The following GRID2 variants were observed in gnomAD, a reference collection of about 807,000 sequenced individuals.
GRID2 encodes the protein glutamate ionotropic receptor delta type subunit 2.
Under a neutral mutation model 114.8 loss-of-function variants are expected in GRID2, and 33 were observed. That is an observed-to-expected ratio of 0.29 (90% CI 0.22 to 0.38). GRID2 has a LOEUF of 0.38. GRID2 is among the 10% of genes least tolerant of loss of function. The pLI, the probability that GRID2 is intolerant of heterozygous loss-of-function variation, is 1.00. For synonymous variants in GRID2, 505 were observed against 449.9 expected (o/e 1.12, Z -1.55); for missense variants, 1,184 against 1,257.7 (o/e 0.94, Z 0.89).
chr4:92,649,899 A>G (rs1731841584), intron 2 of GRID2, among the ~76,000 whole-genome samples: 1 of 152,014 alleles, frequency 6.6e-6, no homozygotes, highest in African/African-American at 2.4e-5. Flanking sequence ...CATAAGTTAT[A>G]AATATTATTA....
intron 2 of GRID2, among the ~76,000 whole-genome samples, chr4:92,785,236 A>G (rs573516159): frequency 2.6e-5 from 4 of 151,696 alleles, no homozygotes; most frequent in Non-Finnish European, 5.9e-5. Context: ...AGCTATTTCT[A>G]TAAAACTGAA....
rs1370376454 is a variant in GRID2, at chr4:93,043,042, A to G, written c.245-41953A>G. ...GAGTGTCTGATTATAGAAGATAAAT[A>G]TTTTTCCCAGCAGATAATTCCTTTA... On this transcript the variant is annotated intron_variant, in intron 2 of 15. Coordinates refer to ENST00000282020, the MANE Select transcript of GRID2 (RefSeq NM_001510.4). Among the ~76,000 whole-genome samples, 6 of 152,198 alleles carry G rather than the reference A, an allele frequency of 3.9e-5. No individual in the cohort carries two copies. In the East Asian group the frequency reaches 1.2e-3, roughly 29 times the overall value.
chr4:92,740,729 TA>T lies in GRID2; in HGVS notation c.244+150444del, dbSNP rs1352845850. On this transcript the variant is annotated intron_variant, in intron 2 of 15. Transcript: ENST00000282020. Reference sequence around the variant, plus strand: ...ATAGATAGATAGATAGATAGATAGATAGATAGATAGATGGATAGATAGATAG... The same window carrying T: ...ATAGATAGATAGATAGATAGATAGATGATAGATAGATGGATAGATAGATAG... Among the ~76,000 whole-genome samples, 268 of 145,604 alleles carry T rather than the reference TA, an allele frequency of 1.8e-3. 1 individual carries two copies. The highest frequency in any genetic ancestry group is 6.9e-3 in the African/African-American group (255 of 37,142).
intron 13 of GRID2, among the ~76,000 whole-genome samples, chr4:93,619,351 A>G (rs187689982): frequency 3.3e-5 from 5 of 152,354 alleles, no homozygotes; most frequent in Admixed American, 2.6e-4. Context: ...TGTGTTATAA[A>G]TATTAAAGCC....
chr4:93,583,744 C>T (rs1404612615), intron 13 of GRID2, among the ~76,000 whole-genome samples: 1 of 152,186 alleles, frequency 6.6e-6, no homozygotes, highest in South Asian at 2.1e-4. Context: ...TGTCCAAGGC[C>T]GTTCCTCAGA....
intron 8 of GRID2, among the ~76,000 whole-genome samples, chr4:93,346,414 AAC>A (rs1002369464): frequency 6.6e-6 from 1 of 152,100 alleles, no homozygotes; most frequent in Non-Finnish European, 1.5e-5. Context: ...AATACTCCAA[AAC>A]AGCATTTCCT....
At chr4:93,531,999 G>T (rs992142294) in intron 13 of GRID2, among the ~76,000 whole-genome samples, 1 of 151,938 alleles carries the variant, frequency 6.6e-6, no homozygotes, top group African/African-American at 2.4e-5. Context: ...AACTTTTGTT[G>T]TTTGGGCTAA....
intron 1 of GRID2, among the ~76,000 whole-genome samples, chr4:92,370,014 T>A (rs1464134650): frequency 6.6e-6 from 1 of 152,192 alleles, no homozygotes; most frequent in East Asian, 1.9e-4. Flanking sequence ...GTTATTGTGT[T>A]TTTTTCAAAT....
chr4:92,585,341 A>G (rs1247387886), intron 1 of GRID2, among the ~76,000 whole-genome samples: 1 of 152,038 alleles, frequency 6.6e-6, no homozygotes, highest in Non-Finnish European at 1.5e-5. Flanking sequence ...ATTACCTACC[A>G]TATATAATTT....
intron 14 of GRID2, among the ~76,000 whole-genome samples, chr4:93,681,357 A>T (rs80070208): frequency 6.7e-6 from 1 of 148,404 alleles, no homozygotes; most frequent in South Asian, 2.1e-4. Flanking sequence ...TACTACCCAA[A>T]GTAATTTAGA....
At chr4:93,043,019 G>A (rs1369075526) in intron 2 of GRID2, among the ~76,000 whole-genome samples, 2 of 152,064 alleles carry the variant, frequency 1.3e-5, no homozygotes, top group Admixed American at 1.3e-4. Flanking sequence ...AATAGTTTGA[G>A]TGTCTGATTA....
intron 2 of GRID2, among the ~76,000 whole-genome samples, chr4:93,040,005 A>AT (rs2149267317): frequency 6.6e-6 from 1 of 152,278 alleles, no homozygotes; most frequent in South Asian, 2.1e-4. Flanking sequence ...ATGCACAGGA[A>AT]TTTAGTTGAT....
intron 2 of GRID2, among the ~76,000 whole-genome samples, chr4:93,025,786 A>G (rs1321026434): frequency 6.6e-6 from 1 of 151,722 alleles, no homozygotes; most frequent in Non-Finnish European, 1.5e-5. Context: ...ATGTAGATGA[A>G]CAAGCATTTA....
chr4:92,826,871 C>T (rs577805512), intron 2 of GRID2, among the ~76,000 whole-genome samples: 1 of 152,138 alleles, frequency 6.6e-6, no homozygotes, highest in South Asian at 2.1e-4. Flanking sequence ...TTTGATTGAT[C>T]TAATGTTATT....
intron 2 of GRID2, among the ~76,000 whole-genome samples, chr4:92,939,128 A>G (rs1299862157): frequency 6.8e-6 from 1 of 147,456 alleles, no homozygotes. Context: ...TAGATCCATG[A>G]GGAACTGCTA....
intron 2 of GRID2, among the ~76,000 whole-genome samples, chr4:93,021,624 ATAT>A (rs1476686011): frequency 1.4e-5 from 2 of 144,340 alleles, no homozygotes; most frequent in African/African-American, 5.1e-5. Context: ...TATATTGTAT[ATAT>A]TATCACTATA....
chr4:92,630,945 A>T (rs1235200832), intron 2 of GRID2, among the ~76,000 whole-genome samples: 2 of 152,022 alleles, frequency 1.3e-5, no homozygotes, highest in East Asian at 3.9e-4. Context: ...TTCTGTATAA[A>T]GGGTTATCAT....
intron 10 of GRID2, among the ~76,000 whole-genome samples, chr4:93,436,983 A>G (rs1721146508): frequency 6.6e-6 from 1 of 152,168 alleles, no homozygotes; most frequent in South Asian, 2.1e-4. Flanking sequence ...TGTGTTATAT[A>G]TGCTTGGAAT....
chr4:93,771,529 A>G (rs1734106236), intron 15 of GRID2, among the ~76,000 whole-genome samples: 1 of 152,196 alleles, frequency 6.6e-6, no homozygotes, highest in African/African-American at 2.4e-5. Flanking sequence ...TCTCTAAACA[A>G]TCGCACATAT....
Sources: allele counts gnomAD v4.1 joint callset (sites outside exome capture counted in the v4.1 genomes callset), GRCh38; gene constraint gnomAD v4.1.1; transcripts MANE v1.5; gene names NCBI Gene and HGNC (gene_info 2026-07-23, HGNC 2026-07-21).